ADGRV1: variants seen among roughly 807,000 people sequenced by gnomAD.
The protein encoded by ADGRV1 is G-protein coupled receptor 98.
Under a neutral mutation model 596.2 loss-of-function variants are expected in ADGRV1, and 359 were observed. The observed-to-expected ratio is 0.60, with a 90% CI of 0.55 to 0.66. The LOEUF is 0.66. Among genes scored for constraint, ADGRV1 ranks in the 30% least tolerant of loss-of-function variants. The pLI is 0.00. For missense variants in ADGRV1, 7,274 were observed against 7,575.6 expected, an observed-to-expected ratio of 0.96 and a Z score of 1.48; for synonymous variants, 2,681 against 2,679.2, an observed-to-expected ratio of 1.00 and a Z score of -0.02.
At chr5:90,597,018 T>C (rs932771050) in intron 1 of ADGRV1, among the ~76,000 whole-genome samples, 6 of 152,222 alleles carry the variant, frequency 3.9e-5, no homozygotes, top group Admixed American at 3.9e-4. Context: ...CAACTCATCT[T>C]CACTATGTGG....
At chr5:90,640,287 C>G (rs1766796164) in intron 11 of ADGRV1, among the ~76,000 whole-genome samples, 1 of 152,088 alleles carries the variant, frequency 6.6e-6, no homozygotes, top group African/African-American at 2.4e-5. Context: ...TAATTTTTGG[C>G]AGAATTAAAA....
rs534502300 is a variant in ADGRV1, at chr5:90,575,439, G to A, written c.22+16522G>A. 2.0e-5 allele frequency among the ~76,000 whole-genome samples: 3 copies of A among 152,168 alleles called. No homozygotes were observed. The East Asian group carries it at 5.8e-4, about 29-fold the overall frequency. ...AGCTAATTTTTGTATTTTTAGTAGA[G>A]ATGGGGTTTCACCGTATTGGCCAGG... is the stretch of plus-strand genomic sequence containing the variant. On this transcript the variant is annotated intron_variant, in intron 1 of 89. Transcript: ENST00000405460.
chr5:90,658,388 T>C, intron 21 of ADGRV1, 110 bp downstream of exon 21: 1 of 962,064 alleles, frequency 1.0e-6, no homozygotes, highest in Non-Finnish European at 1.5e-6. Flanking sequence ...CTACTCCAAG[T>C]CCAGAAGTAT....
intron 7 of ADGRV1, 128 bp from the exon 8 acceptor site, chr5:90,628,434 A>G (rs570187014): frequency 1.3e-6 from 1 of 762,606 alleles, no homozygotes; most frequent in East Asian, 2.7e-5. Flanking sequence ...ATAACAAATC[A>G]GTTATTTTTT....
chr5:90,558,948 G>A (rs200137338), intron 1 of ADGRV1, 31 bp downstream of exon 1: 2 of 1,545,632 alleles, frequency 1.3e-6, no homozygotes, highest in East Asian at 2.4e-5. Flanking sequence ...GGTGCTGCGA[G>A]CATCGCTGAG....
chr5:91,113,507 T>C (rs1792562757), intron 87 of ADGRV1, among the ~76,000 whole-genome samples: 1 of 152,190 alleles, frequency 6.6e-6, no homozygotes, highest in African/African-American at 2.4e-5. Context: ...AGCTCAAAGA[T>C]TACCTTCCCA....
rs1378761791 is a variant in ADGRV1, at chr5:90,921,762, ATAAG to A, written c.17857-43648_17857-43645del. The stretch of plus-strand genomic sequence containing the variant: ...TAATGTAGTAATGCATATATGTATA[ATAAG>A]TAAGACCAAACCCAATAAAGTTGTG... On this transcript the variant is annotated intron_variant, in intron 83 of 89. Coordinates refer to ENST00000405460, the MANE Select transcript of ADGRV1 (RefSeq NM_032119.4). Among the ~76,000 whole-genome samples the A allele has an allele frequency of 2.6e-5, 4 of 151,992 alleles. No individual in the cohort carries two copies. The South Asian group carries it at 6.2e-4, about 24-fold the overall frequency.
intron 79 of ADGRV1, 78 bp from the exon 80 acceptor site, chr5:90,853,206 T>G: frequency 7.4e-7 from 1 of 1,353,552 alleles, no homozygotes. Context: ...CCAAGTGTAA[T>G]GCACTTTAAC....
intron 29 of ADGRV1, among the ~76,000 whole-genome samples, chr5:90,687,248 G>T (rs1300862213): frequency 6.6e-6 from 1 of 152,120 alleles, no homozygotes; most frequent in African/African-American, 2.4e-5. Flanking sequence ...GGCTTTTGTT[G>T]CCATTGCTTT....
rs369627883 is a variant in ADGRV1, at chr5:90,656,786, A to G, written c.4379-1119A>G. The stretch of plus-strand genomic sequence containing the variant: ...CTCTGCCAATATCTCATCTTGCCTA[A>G]AGATCTTACATAAATATCTTAGTTG... On this transcript the variant is annotated intron_variant, in intron 20 of 89. Coordinates refer to ENST00000405460, the MANE Select transcript of ADGRV1 (RefSeq NM_032119.4). Among the ~76,000 whole-genome samples, 301 of 152,274 alleles carry G rather than the reference A, an allele frequency of 2.0e-3. 2 individuals are homozygous for G. The highest frequency in any genetic ancestry group is 6.3e-3 in the African/African-American group (261 of 41,552).
intron 85 of ADGRV1, among the ~76,000 whole-genome samples, chr5:90,996,987 G>A (rs1781471191): frequency 6.6e-6 from 1 of 152,192 alleles, no homozygotes. Flanking sequence ...TTGTATCTTG[G>A]AAGTAACTAA....
intron 85 of ADGRV1, among the ~76,000 whole-genome samples, chr5:91,051,537 A>ATTTTTTTT (rs1192844206): frequency 9.8e-6 from 1 of 102,484 alleles, no homozygotes; most frequent in Non-Finnish European, 1.8e-5. Context: ...TTGACTTAGG[A>ATTTTTTTT]TTTTTTTTTT....
rs553262948 is a variant in ADGRV1 at position 90,720,343 on chromosome 5, G to C, written c.9623+120G>C. On this transcript the variant is annotated intron_variant, in intron 44 of 89. Coordinates refer to ENST00000405460, the MANE Select transcript of ADGRV1 (RefSeq NM_032119.4). The stretch of plus-strand genomic sequence containing the variant: ...TTATTTTAAAAGGGATTTTTAAAAT[G>C]AACTCTAGAAAAGATAGGTCTAGAG... 3 of 689,664 alleles carry C rather than the reference G, an allele frequency of 4.3e-6. No individual in the cohort carries two copies. The Admixed American group carries it at 9.9e-5, about 23-fold the overall frequency. 42.7% of individuals were successfully genotyped at this position (689,664 alleles called of 1,614,324 possible). A position where few individuals can be genotyped will look rare whatever the true frequency, so the allele number is the denominator to read the frequency against.
chr5:90,724,467 G>C (rs1751499872), intron 45 of ADGRV1, among the ~76,000 whole-genome samples: 1 of 152,114 alleles, frequency 6.6e-6, no homozygotes, highest in South Asian at 2.1e-4. Flanking sequence ...GACCTCAAGT[G>C]ATCCACCTAC....
chr5:90,569,598 A>G (rs1756259979), intron 1 of ADGRV1, among the ~76,000 whole-genome samples: 2 of 150,136 alleles, frequency 1.3e-5, no homozygotes, highest in African/African-American at 4.9e-5. Context: ...CCATTTTGCT[A>G]TTTGTTTTTT....
Position 91,163,843 on chromosome 5 carries a change from G to T in ADGRV1, c.18864G>T (p.Leu6288Phe). 2 of 1,608,374 alleles carry T rather than the reference G, an allele frequency of 1.2e-6. No homozygotes were observed. Among genetic ancestry groups the T allele is most frequent in the Non-Finnish European group, 1.7e-6 (2 of 1,176,358 alleles). The change falls in exon 90 of 90, where the codon TTG (leucine) becomes TTT (phenylalanine). Residue 6288 changes from leucine (L) to phenylalanine (F), a missense_variant. Around this residue, in one of 5 missense-constraint regions of ADGRV1, gnomAD observed 1,874 missense variants for 1,970.2 expected, o/e 0.95. Transcript: ENST00000405460. ...AAGGCAGCCAGGAGGGGGGCACCTT[G>T]ACTGACTCCCAGATCGTGGAGCTCA... ...SGQGSQEGGT[L>F]TDSQIVELRR... is the part of the protein sequence containing the mutation.
intron 85 of ADGRV1, among the ~76,000 whole-genome samples, chr5:91,015,334 C>T (rs759385833): frequency 2.6e-5 from 4 of 151,904 alleles, no homozygotes; most frequent in South Asian, 2.1e-4. Context: ...TGCCATGTGG[C>T]GATGAGAAGA....
intron 21 of ADGRV1, among the ~76,000 whole-genome samples, chr5:90,667,130 T>A (rs1424066567): frequency 6.6e-6 from 1 of 150,656 alleles, no homozygotes; most frequent in Admixed American, 6.6e-5. Context: ...TGGCGTTCTC[T>A]GTATTTCCTG....
intron 1 of ADGRV1, 147 bp downstream of exon 1, chr5:90,559,064 G>A: frequency 1.7e-6 from 1 of 592,034 alleles, no homozygotes; most frequent in Non-Finnish European, 2.6e-6. Context: ...GCGCGCACCC[G>A]GCGCCGCGGC....
Sources: allele counts gnomAD v4.1 joint callset (sites outside exome capture counted in the v4.1 genomes callset), GRCh38; gene constraint gnomAD v4.1.1; regional missense constraint gnomAD v4.1.1; transcripts MANE v1.5; gene names NCBI Gene and HGNC (gene_info 2026-07-23, HGNC 2026-07-21).